INSR: variants seen among roughly 807,000 people sequenced by gnomAD.
The protein encoded by INSR is insulin receptor.
A neutral mutation model predicts 142.6 loss-of-function variants in INSR; 67 were observed. The ratio of observed to expected loss-of-function variants is 0.47; its 90% CI spans 0.39 to 0.58. The LOEUF (loss-of-function observed/expected upper bound fraction) is 0.58. Ranked by LOEUF, INSR falls within the 20% of genes least tolerant of loss-of-function variation. The probability of loss-of-function intolerance (pLI) is 0.00; values close to 1 mark genes in which losing one functional copy is unlikely to be tolerated. For missense variants in INSR, 1,248 were observed against 1,833.2 expected, an observed-to-expected ratio of 0.68 and a Z score of 5.83; for synonymous variants, 756 against 743.1, an observed-to-expected ratio of 1.02 and a Z score of -0.28.
At chr19:7,221,148 C>T (rs1355311162) in intron 2 of INSR, among the ~76,000 whole-genome samples, 1 of 151,744 alleles carries the variant, frequency 6.6e-6, no homozygotes, top group African/African-American at 2.4e-5. Flanking sequence ...CTGAGGCGGG[C>T]GGATCACTTG....
intron 2 of INSR, among the ~76,000 whole-genome samples, chr19:7,186,223 TAAGA>T (rs371851671): frequency 1.6e-4 from 25 of 151,772 alleles, no homozygotes; most frequent in South Asian, 8.3e-4. Context: ...AAACAAAAAA[TAAGA>T]AAGAAAGTTG....
At position 7,135,004 on chromosome 19, in the gene INSR, A is replaced by T. The variant is rs557534548; in HGVS notation, c.2683-2687T>A. ...AGCCCAAAACTCTGAAAAGTTTTCG[A>T]CACAGTTCCAAGCTAATAGTGCATG... On this transcript the variant is annotated intron_variant, in intron 13 of 21. Coordinates refer to ENST00000302850, the MANE Select transcript of INSR (RefSeq NM_000208.4). Among the ~76,000 whole-genome samples the T allele has an allele frequency of 5.1e-3, 766 of 150,362 alleles. 13 individuals are homozygous for T. Among genetic ancestry groups the T allele is most frequent in the Non-Finnish European group, 6.4e-3 (434 of 67,718 alleles).
Position 7,141,510 on chromosome 19 carries a change from C to G in INSR, c.2682+167G>C, listed in dbSNP as rs1599894751. The G allele has an allele frequency of 3.3e-6, 3 of 896,976 alleles. No homozygotes were observed. The South Asian group carries it at 4.5e-5, about 14-fold the overall frequency. The allele number at this position is 896,976 out of a possible 1,614,324, so 55.6% of individuals were successfully genotyped here. On this transcript the variant is annotated intron_variant, in intron 13 of 21. Coordinates refer to ENST00000302850, the MANE Select transcript of INSR (RefSeq NM_000208.4). ...AAGCTGGTAGATTGGCATTTCTGAC[C>G]CATCTTCCTGCGAAGTCAGGTATCA...
At chr19:7,229,554 G>A (rs1453519246) in intron 2 of INSR, among the ~76,000 whole-genome samples, 1 of 152,140 alleles carries the variant, frequency 6.6e-6, no homozygotes, top group East Asian at 1.9e-4. Context: ...ATACTGCCAA[G>A]GTGCTCCTTC....
At chr19:7,145,565 A>C (rs1568443547) in intron 11 of INSR, among the ~76,000 whole-genome samples, 2 of 152,212 alleles carry the variant, frequency 1.3e-5, no homozygotes, top group African/African-American at 2.4e-5. Flanking sequence ...TAGATAATAA[A>C]TATTTTGGGT....
chr19:7,254,319 C>T (rs4538117), intron 2 of INSR, among the ~76,000 whole-genome samples: 57,245 of 151,672 alleles, frequency 0.38, 11,568 homozygotes, highest in East Asian at 0.53. Flanking sequence ...AATTTGTGAG[C>T]TGCCTGGGAA....
At chr19:7,146,310 C>T (rs536988525) in intron 11 of INSR, among the ~76,000 whole-genome samples, 18 of 148,028 alleles carry the variant, frequency 1.2e-4, no homozygotes, top group South Asian at 8.5e-4. Flanking sequence ...GGCGCAACCT[C>T]GGTTCACTGC....
chr19:7,229,635 C>T (rs1975905305), intron 2 of INSR, among the ~76,000 whole-genome samples: 1 of 152,072 alleles, frequency 6.6e-6, no homozygotes, highest in Non-Finnish European at 1.5e-5. Flanking sequence ...TTTTCCTTTT[C>T]CTTTGCTTCC....
chr19:7,126,770 C>G (rs1972656980), intron 15 of INSR, 119 bp from the exon 16 acceptor site: 12 of 913,628 alleles, frequency 1.3e-5, no homozygotes, highest in South Asian at 1.1e-4. Context: ...CCCCATAATC[C>G]TAGATGCAGT....
rs35763064 is a variant in INSR, at chr19:7,233,668, C to CTTTTTT, written c.652+33671_652+33676dup. Reference sequence around the variant, plus strand: ...CGTCTTTTGTTTTTTCTTTTTCTGTCTTTTTTTTTTTTTTTTTTTTTTTTT... The same window carrying CTTTTTT: ...CGTCTTTTGTTTTTTCTTTTTCTGTCTTTTTTTTTTTTTTTTTTTTTTTTTTTTTTT... On this transcript the variant is annotated intron_variant, in intron 2 of 21. Transcript: ENST00000302850. 1.8e-3 allele frequency among the ~76,000 whole-genome samples: 133 copies of CTTTTTT among 72,408 alleles called. 3 individuals are homozygous for CTTTTTT. Among genetic ancestry groups the CTTTTTT allele is most frequent in the Non-Finnish European group, 2.3e-3 (99 of 42,148 alleles). The allele number at this position is 72,408 out of a possible 152,430, so 47.5% of individuals were successfully genotyped here.
intron 2 of INSR, among the ~76,000 whole-genome samples, chr19:7,203,320 C>T (rs111307097): frequency 7.2e-5 from 11 of 152,228 alleles, no homozygotes; most frequent in African/African-American, 2.6e-4. Context: ...GAAAACGCCT[C>T]GCGCCTTGAA....
chr19:7,173,212 T>C lies in INSR; in HGVS notation c.1124-778A>G, dbSNP rs557981204. Among the ~76,000 whole-genome samples, 11 of 152,316 alleles carry C rather than the reference T, an allele frequency of 7.2e-5. No individual in the cohort carries two copies. The South Asian group carries it at 2.1e-3, about 29-fold the overall frequency. On this transcript the variant is annotated intron_variant, in intron 4 of 21. Transcript: ENST00000302850. ...CTTACAATATCTGTCGATTTACTTA[T>C]GCGCAAAAATCCATCAAGGTAAGGA...
chr19:7,129,036 A>C, intron 14 of INSR, 82 bp from the exon 15 acceptor site: 1 of 1,084,828 alleles, frequency 9.2e-7, no homozygotes, highest in Non-Finnish European at 1.4e-6. Context: ...CCACTCCTGG[A>C]ATGGGTGGGC....
intron 13 of INSR, among the ~76,000 whole-genome samples, chr19:7,138,797 T>C (rs1393949481): frequency 1.3e-5 from 2 of 152,174 alleles, no homozygotes; most frequent in African/African-American, 2.4e-5. Context: ...GAAAATCTTA[T>C]GCATAGAGCT....
intron 2 of INSR, among the ~76,000 whole-genome samples, chr19:7,218,909 T>C (rs549070041): frequency 5.0e-4 from 76 of 152,112 alleles, no homozygotes; most frequent in African/African-American, 1.7e-3. Flanking sequence ...GGGAAAAGCA[T>C]GTAGGTAGAG....
At chr19:7,126,677 A>G in intron 15 of INSR, 26 bp from the exon 16 acceptor site, 1 of 1,554,896 alleles carries the variant, frequency 6.4e-7, no homozygotes, top group Non-Finnish European at 8.7e-7. Flanking sequence ...GAGGCACGTT[A>G]GCTTGAGATT....
At chr19:7,271,898 T>G (rs995406451) in intron 1 of INSR, among the ~76,000 whole-genome samples, 2 of 152,036 alleles carry the variant, frequency 1.3e-5, no homozygotes, top group Non-Finnish European at 2.9e-5. Flanking sequence ...TGGTCCCAGC[T>G]ACACGGGAGA....
In INSR at chr19:7,166,197, A is replaced by G. The variant is rs200803488; in HGVS notation, c.1818T>C (p.Tyr606=). The G allele has an allele frequency of 3.7e-6, 6 of 1,614,130 alleles. No individual in the cohort carries two copies. Among genetic ancestry groups the G allele is most frequent in the East Asian group, 2.2e-5 (1 of 44,878 alleles). ...LVTFSDERRT[Y]GAKSDIIYVQ... is the part of the protein sequence containing the mutation. ...CATAAATGATGTCACTCTTGGCCCCATAGGTCCGGCGTTCATCCGAAAAGG... is the reference window on the plus strand; with the variant it reads ...CATAAATGATGTCACTCTTGGCCCCGTAGGTCCGGCGTTCATCCGAAAAGG... Residue 606 remains tyrosine (Y), a synonymous_variant, in exon 8 of 22, where the codon TAT becomes TAC. Transcript: ENST00000302850. This position sits in a 1 kb window ranked among gnomAD's most constrained non-coding sequence, Gnocchi z 4.1.
intron 2 of INSR, among the ~76,000 whole-genome samples, chr19:7,218,892 T>G (rs10412651): frequency 0.83 from 126,119 of 151,984 alleles, 52,496 homozygotes; most frequent in Non-Finnish European, 0.85. Context: ...TATGAGGAAG[T>G]ATCACAGGGA....
Sources: gnomAD v4.1 joint callset for allele counts (sites outside exome capture counted in the v4.1 genomes callset) on GRCh38, gnomAD v4.1.1 for gene constraint, Gnocchi (gnomAD v3.1) non-coding constraint, MANE v1.5 for transcripts, NCBI Gene and HGNC (gene_info 2026-07-23, HGNC 2026-07-21) for gene names.